Variants in PTPRZ1 observed in about 807,000 individuals in gnomAD.
PTPRZ1 encodes protein tyrosine phosphatase receptor type Z1.
A neutral mutation model predicts 214.1 loss-of-function variants in PTPRZ1; 82 were observed. That is an observed-to-expected ratio of 0.38 (90% CI 0.32 to 0.46). The LOEUF (loss-of-function observed/expected upper bound fraction) is 0.46, where lower values mean the gene tolerates loss of function less well. PTPRZ1 is among the 20% of genes least tolerant of loss of function. The pLI is 1.00. For missense variants in PTPRZ1, 2,603 were observed against 2,748.7 expected (o/e 0.95, Z 1.19); for synonymous variants, 945 against 987.9 (o/e 0.96, Z 0.81).
chr7:122,059,942 C>G, intron 29 of PTPRZ1, 54 bp downstream of exon 29: 1 of 1,531,306 alleles, frequency 6.5e-7, no homozygotes, highest in Non-Finnish European at 8.8e-7. Context: ...CAACTAACTT[C>G]CTAGAGGCTG....
chr7:122,045,068 G>A (rs965744951), intron 23 of PTPRZ1, among the ~76,000 whole-genome samples: 4 of 152,090 alleles, frequency 2.6e-5, no homozygotes, highest in African/African-American at 9.7e-5. Flanking sequence ...AAGGCCATAA[G>A]CCAGAGACAA....
chr7:121,877,406 A>C (rs1318832177), intron 1 of PTPRZ1, among the ~76,000 whole-genome samples: 1 of 152,170 alleles, frequency 6.6e-6, no homozygotes, highest in Admixed American at 6.5e-5. Flanking sequence ...TTTTCTGAGG[A>C]TCCCTTTCAT....
intron 27 of PTPRZ1, 21 bp downstream of exon 27, chr7:122,055,108 A>T: frequency 6.7e-7 from 1 of 1,493,056 alleles, no homozygotes; most frequent in Non-Finnish European, 9.1e-7. Context: ...AAGTTAAATG[A>T]CAAACTTTTT....
At chr7:122,026,879 T>C (rs1444988363) in intron 13 of PTPRZ1, among the ~76,000 whole-genome samples, 1 of 152,184 alleles carries the variant, frequency 6.6e-6, no homozygotes, top group Non-Finnish European at 1.5e-5. Context: ...AGAAGTTCAT[T>C]CATCAGAGAA....
chr7:121,951,798 C>G (rs1462476931), intron 2 of PTPRZ1, among the ~76,000 whole-genome samples: 1 of 152,164 alleles, frequency 6.6e-6, no homozygotes, highest in Non-Finnish European at 1.5e-5. Context: ...TCCTGATAAA[C>G]CTTCTCTGTC....
intron 2 of PTPRZ1, among the ~76,000 whole-genome samples, chr7:121,944,188 T>C (rs950984687): frequency 2.0e-5 from 3 of 152,178 alleles, no homozygotes; most frequent in Admixed American, 1.3e-4. Context: ...CCTTCATTAC[T>C]GAATCTGGCT....
At chr7:121,976,733 T>A (rs1226734852) in intron 5 of PTPRZ1, 52 bp from the exon 6 acceptor site, 16 of 1,351,574 alleles carry the variant, frequency 1.2e-5, no homozygotes, top group East Asian at 2.4e-5. Flanking sequence ...TTTTATTGAA[T>A]AGTTATCCAA....
Position 122,038,791 on chromosome 7 carries a change from G to A in PTPRZ1, c.5404G>A (p.Gly1802Ser), listed in dbSNP as rs1364418926. 2 of 1,613,650 alleles carry A rather than the reference G, an allele frequency of 1.2e-6. No individual in the cohort carries two copies. The highest frequency in any genetic ancestry group is 1.7e-6 in the Non-Finnish European group (2 of 1,179,788). Reference protein sequence around the residue: ...NRPKAYIAAQGPLKSTAEDFW... With the variant: ...NRPKAYIAAQSPLKSTAEDFW... ...ACCAAAAGCTTATATTGCTGCCCAAGGCCCACTGAAATCCACAGCTGAAGA... is the reference window on the plus strand; with the variant it reads ...ACCAAAAGCTTATATTGCTGCCCAAAGCCCACTGAAATCCACAGCTGAAGA... The change falls in exon 19 of 30, where the codon GGC (glycine) becomes AGC (serine). Residue 1802 changes from glycine to serine, a missense_variant. By Grantham distance (56) the Gly-to-Ser change is moderately conservative. Transcript: ENST00000393386.
intron 21 of PTPRZ1, among the ~76,000 whole-genome samples, chr7:122,041,626 A>G (rs1799736289): frequency 6.6e-6 from 1 of 152,228 alleles, no homozygotes; most frequent in African/African-American, 2.4e-5. Flanking sequence ...TAATGTTTTC[A>G]GTTAAAATAA....
chr7:122,025,165 T>C (rs1192286127), intron 13 of PTPRZ1, among the ~76,000 whole-genome samples: 4 of 151,974 alleles, frequency 2.6e-5, no homozygotes, highest in Non-Finnish European at 5.9e-5. Flanking sequence ...CTTTTAAAAA[T>C]GTAATAAAGA....
rs1792567726 is a variant in PTPRZ1, at chr7:122,061,229, G to A, written c.*9G>A. On this transcript the variant is annotated 3_prime_UTR_variant, in exon 30 of 30. Transcript: ENST00000393386. ...TAGAGTCTTTAGTTTAACACAGAAA[G>A]GGGTGGGGGAACTCACATCTGAGCA... is the stretch of plus-strand genomic sequence containing the variant. The A allele has an allele frequency of 6.4e-7, 1 of 1,570,472 alleles. No homozygotes were observed. The highest frequency in any genetic ancestry group is 8.7e-7 in the Non-Finnish European group (1 of 1,155,408).
chr7:121,982,447 T>C (rs1433174629), intron 6 of PTPRZ1, among the ~76,000 whole-genome samples: 1 of 143,254 alleles, frequency 7.0e-6, no homozygotes, highest in Non-Finnish European at 1.6e-5. Flanking sequence ...TAGGATTTCA[T>C]TGAATCTATG....
Position 122,054,057 on chromosome 7 carries a change from T to C in PTPRZ1, c.6381+19T>C. ...AAACATGGTAAGTCCCTTAGACCACTTTTGGGACTTCCTTTACAGAGGAAT... is the reference window on the plus strand; with the variant it reads ...AAACATGGTAAGTCCCTTAGACCACCTTTGGGACTTCCTTTACAGAGGAAT... On this transcript the variant is annotated intron_variant, in intron 26 of 29. Coordinates refer to ENST00000393386, the MANE Select transcript of PTPRZ1 (RefSeq NM_002851.3). 1 of 1,611,020 alleles carries C rather than the reference T, an allele frequency of 6.2e-7. No individual in the cohort carries two copies. The highest frequency in any genetic ancestry group is 8.5e-7 in the Non-Finnish European group (1 of 1,178,074).
chr7:121,888,759 G>A (rs1265336378), intron 1 of PTPRZ1, among the ~76,000 whole-genome samples: 3 of 152,070 alleles, frequency 2.0e-5, no homozygotes, highest in African/African-American at 2.4e-5. Flanking sequence ...CACATCTGAG[G>A]AAAGTAATTA....
At chr7:122,051,979 T>C in intron 25 of PTPRZ1, 40 bp downstream of exon 25, 1 of 1,524,790 alleles carries the variant, frequency 6.6e-7, no homozygotes, top group Non-Finnish European at 8.9e-7. Context: ...CCAGCTTGTG[T>C]TACAGGGATC....
intron 2 of PTPRZ1, among the ~76,000 whole-genome samples, chr7:121,960,067 C>G (rs1214578131): frequency 1.3e-5 from 2 of 152,200 alleles, no homozygotes; most frequent in Non-Finnish European, 2.9e-5. Flanking sequence ...GAGGCGGTGT[C>G]TTGCTCTGTC....
intron 1 of PTPRZ1, among the ~76,000 whole-genome samples, chr7:121,913,196 G>A (rs1289660983): frequency 6.6e-6 from 1 of 152,140 alleles, no homozygotes; most frequent in African/African-American, 2.4e-5. Context: ...GCTTGGGATT[G>A]GGTGAGGAGG....
At chr7:121,985,697 C>G (rs1184867943) in intron 8 of PTPRZ1, among the ~76,000 whole-genome samples, 1 of 152,188 alleles carries the variant, frequency 6.6e-6, no homozygotes. Flanking sequence ...CTGCTTCTGT[C>G]CCCCTAAGTC....
At chr7:121,991,189 A>T (rs535715344) in intron 8 of PTPRZ1, among the ~76,000 whole-genome samples, 2 of 152,326 alleles carry the variant, frequency 1.3e-5, no homozygotes, top group African/African-American at 4.8e-5. Context: ...GGTTTAAATG[A>T]CCTAAAATTT....
Sources: gnomAD v4.1 joint callset for allele counts (sites outside exome capture counted in the v4.1 genomes callset) on GRCh38, gnomAD v4.1.1 for gene constraint, MANE v1.5 for transcripts, NCBI Gene and HGNC (gene_info 2026-07-23, HGNC 2026-07-21) for gene names.